ESRRG: variants seen among roughly 807,000 people sequenced by gnomAD.
ESRRG encodes estrogen related receptor gamma.
Under a neutral mutation model 44.0 loss-of-function variants are expected in ESRRG, and 13 were observed. The observed-to-expected ratio is 0.30, with a 90% CI of 0.19 to 0.47. The LOEUF is 0.47. Among genes scored for constraint, ESRRG ranks in the 20% least tolerant of loss-of-function variants. ESRRG has a pLI of 1.00. For missense variants in ESRRG, 395 were observed against 580.6 expected, an observed-to-expected ratio of 0.68 and a Z score of 3.29; for synonymous variants, 215 against 214.6, an observed-to-expected ratio of 1.00 and a Z score of -0.02.
At chr1:216,900,308 A>G (rs1463156429) in intron 2 of ESRRG, among the ~76,000 whole-genome samples, 4 of 152,182 alleles carry the variant, frequency 2.6e-5, no homozygotes, top group Non-Finnish European at 5.9e-5. Flanking sequence ...GGAATTTTAG[A>G]GCTTTGCCAA....
chr1:216,770,155 G>A (rs1261793450), intron 2 of ESRRG, among the ~76,000 whole-genome samples: 1 of 152,036 alleles, frequency 6.6e-6, no homozygotes, highest in East Asian at 1.9e-4. Flanking sequence ...TTTGGCAATA[G>A]GAAAACCCTG....
At chr1:217,022,578 A>G (rs1167661564) in intron 1 of ESRRG, among the ~76,000 whole-genome samples, 1 of 151,954 alleles carries the variant, frequency 6.6e-6, no homozygotes, top group African/African-American at 2.4e-5. Context: ...AATGGTCCTC[A>G]CAGCTGGAAG....
intron 2 of ESRRG, among the ~76,000 whole-genome samples, chr1:216,932,448 C>T (rs773543927): frequency 6.6e-6 from 1 of 152,104 alleles, no homozygotes; most frequent in Non-Finnish European, 1.5e-5. Flanking sequence ...TAAGATACTA[C>T]TTCCCGATAA....
At position 216,707,018 on chromosome 1, in the gene ESRRG, GA is replaced by G. The variant is rs149175665; in HGVS notation, c.56+16225del. Among the ~76,000 whole-genome samples, 1,050 of 152,280 alleles carry G rather than the reference GA, an allele frequency of 6.9e-3. 7 individuals are homozygous for G. The highest frequency in any genetic ancestry group is 0.01 in the Non-Finnish European group (695 of 68,022). ...ACCAGGCAGTGTTGCAGGAATGCTG[GA>G]CAAAGACAATAGCTGTGAGATTATC... On this transcript the variant is annotated intron_variant, in intron 1 of 6. Coordinates refer to ENST00000408911, the MANE Select transcript of ESRRG (RefSeq NM_001438.4).
chr1:216,981,753 TA>T (rs1243436182), intron 1 of ESRRG, among the ~76,000 whole-genome samples: 1 of 151,690 alleles, frequency 6.6e-6, no homozygotes, highest in African/African-American at 2.4e-5. Flanking sequence ...AGCACACACA[TA>T]CATATGCATT....
chr1:216,897,404 A>G (rs2058552951), intron 2 of ESRRG, among the ~76,000 whole-genome samples: 1 of 152,234 alleles, frequency 6.6e-6, no homozygotes, highest in South Asian at 2.1e-4. Context: ...AAACAGATCA[A>G]GGAATCTGCA....
intron 2 of ESRRG, among the ~76,000 whole-genome samples, chr1:216,870,776 C>T (rs1335805337): frequency 1.3e-5 from 2 of 151,856 alleles, no homozygotes; most frequent in East Asian, 1.9e-4. Flanking sequence ...TCCTTTACAT[C>T]GATTTTTTTC....
chr1:216,623,768 G>A (rs937092202), intron 3 of ESRRG, among the ~76,000 whole-genome samples: 1 of 151,986 alleles, frequency 6.6e-6, no homozygotes, highest in African/African-American at 2.4e-5. Context: ...ATATACTGAG[G>A]ATTTGCTAGA....
intron 1 of ESRRG, among the ~76,000 whole-genome samples, chr1:217,122,514 A>T (rs967911525): frequency 1.3e-5 from 2 of 152,124 alleles, no homozygotes; most frequent in African/African-American, 4.8e-5. Flanking sequence ...AGCTTAATAC[A>T]TTGAAGATTT....
intron 2 of ESRRG, among the ~76,000 whole-genome samples, chr1:216,804,562 G>T (rs1377734814): frequency 6.6e-6 from 1 of 151,928 alleles, no homozygotes; most frequent in East Asian, 1.9e-4. Flanking sequence ...ACAAATCCTT[G>T]TATCTTTTTA....
At chr1:217,065,659 C>G (rs1339225) in intron 1 of ESRRG, among the ~76,000 whole-genome samples, 58,255 of 152,014 alleles carry the variant, frequency 0.38, 11,769 homozygotes, top group East Asian at 0.7. Flanking sequence ...CATTTACACA[C>G]AACCTGAAGA....
intron 2 of ESRRG, among the ~76,000 whole-genome samples, chr1:216,765,493 GA>G (rs1237364687): frequency 6.6e-6 from 1 of 152,026 alleles, no homozygotes; most frequent in Non-Finnish European, 1.5e-5. Flanking sequence ...TAGCTAGCAG[GA>G]AGCCAAATTT....
chr1:216,726,243 C>T (rs1470479810), upstream of ESRRG, among the ~76,000 whole-genome samples: 1 of 152,142 alleles, frequency 6.6e-6, no homozygotes, highest in East Asian at 1.9e-4. Flanking sequence ...TGGATATTTT[C>T]CCCTTGGGAT....
intron 2 of ESRRG, among the ~76,000 whole-genome samples, chr1:216,921,453 C>G (rs2061834836): frequency 6.6e-6 from 1 of 152,186 alleles, no homozygotes; most frequent in South Asian, 2.1e-4. Flanking sequence ...AGGACACGTT[C>G]CTGACAATGG....
intron 1 of ESRRG, among the ~76,000 whole-genome samples, chr1:217,054,098 GCC>G (rs2086631831): frequency 6.6e-6 from 1 of 150,972 alleles, no homozygotes; most frequent in Non-Finnish European, 1.5e-5. Flanking sequence ...AATGAAAAAA[GCC>G]CATTGTACAT....
intron 2 of ESRRG, among the ~76,000 whole-genome samples, chr1:216,799,566 A>C (rs968713697): frequency 6.6e-6 from 1 of 152,152 alleles, no homozygotes; most frequent in Non-Finnish European, 1.5e-5. Context: ...AGAATGTAGA[A>C]GTTATGAATG....
Position 216,504,756 on chromosome 1 carries a change from G to C in ESRRG, c.*2183C>G, listed in dbSNP as rs1051633132. 6.6e-6 allele frequency: 1 copy of C among 152,394 alleles called. No individual in the cohort carries two copies. The highest frequency in any genetic ancestry group is 1.5e-5 in the Non-Finnish European group (1 of 67,970). The allele number at this position is 152,394 out of a possible 1,614,324, so 9.4% of individuals were successfully genotyped here. A position where few individuals can be genotyped will look rare whatever the true frequency, so the allele number is the denominator to read the frequency against. On this transcript the variant is annotated 3_prime_UTR_variant, in exon 7 of 7. Transcript: ENST00000408911. ...AAGTTTTATTTCTAAGCTATACATTGGTATTCTATAATAAACCATTAGAGA... is the reference window on the plus strand; with the variant it reads ...AAGTTTTATTTCTAAGCTATACATTCGTATTCTATAATAAACCATTAGAGA...
chr1:216,707,482 C>T, intron 1 of ESRRG: 1 of 1,532,574 alleles, frequency 6.5e-7, no homozygotes, highest in Middle Eastern at 1.7e-4. Flanking sequence ...AACTTTACAT[C>T]AGTTCTAAAA....
chr1:216,689,574 A>AT (rs1167566168), intron 1 of ESRRG, among the ~76,000 whole-genome samples: 1 of 151,974 alleles, frequency 6.6e-6, no homozygotes, highest in South Asian at 2.1e-4. Context: ...AAATTTTGGG[A>AT]TTTTTTGGAT....
Sources: allele counts gnomAD v4.1 joint callset (sites outside exome capture counted in the v4.1 genomes callset), GRCh38; gene constraint gnomAD v4.1.1; transcripts MANE v1.5; gene names NCBI Gene and HGNC (gene_info 2026-07-23, HGNC 2026-07-21).